CHRM3: variants seen among roughly 807,000 people sequenced by gnomAD.
CHRM3 encodes the protein muscarinic acetylcholine receptor M3.
Under a neutral mutation model 41.8 loss-of-function variants are expected in CHRM3, and 11 were observed. The ratio of observed to expected loss-of-function variants is 0.26; its 90% CI spans 0.17 to 0.44. The LOEUF (loss-of-function observed/expected upper bound fraction) is 0.44, where lower values mean the gene tolerates loss of function less well. Ranked by LOEUF, CHRM3 falls within the 20% of genes least tolerant of loss-of-function variation. CHRM3 has a pLI of 1.00. For missense variants in CHRM3, 571 were observed against 745.4 expected, an observed-to-expected ratio of 0.77 and a Z score of 2.72; for synonymous variants, 297 against 301.4, an observed-to-expected ratio of 0.99 and a Z score of 0.15.
intron 3 of CHRM3, among the ~76,000 whole-genome samples, chr1:239,590,237 T>A (rs944488197): frequency 6.6e-6 from 1 of 152,168 alleles, no homozygotes; most frequent in Non-Finnish European, 1.5e-5. Context: ...ATGAAATGAT[T>A]GAATTTCTTT....
rs565508941 is a variant in CHRM3 at position 239,659,851 on chromosome 1, A to G, written c.-249-18335A>G. 2.6e-5 allele frequency among the ~76,000 whole-genome samples: 4 copies of G among 152,338 alleles called. No homozygotes were observed. In the East Asian group the frequency reaches 5.8e-4, roughly 22 times the overall value. On this transcript the variant is annotated intron_variant, in intron 4 of 6. Transcript: ENST00000676153. Reference sequence around the variant, plus strand: ...GGACTTTATTCTCTTTATTTCAGTAATGGAGTTTGTCCTCTCATACTCATT... The same window carrying G: ...GGACTTTATTCTCTTTATTTCAGTAGTGGAGTTTGTCCTCTCATACTCATT...
At chr1:239,597,057 A>C (rs1298850825) in intron 3 of CHRM3, among the ~76,000 whole-genome samples, 3 of 152,186 alleles carry the variant, frequency 2.0e-5, no homozygotes, top group South Asian at 4.1e-4. Context: ...AAAAACTAAA[A>C]TAAAATAAAC....
intron 3 of CHRM3, among the ~76,000 whole-genome samples, chr1:239,579,268 CATT>C (rs942138820): frequency 6.6e-6 from 1 of 152,170 alleles, no homozygotes; most frequent in African/African-American, 2.4e-5. Context: ...ATGCTGATTT[CATT>C]AAACACACAC....
intron 3 of CHRM3, among the ~76,000 whole-genome samples, chr1:239,552,166 GAT>G (rs1659893514): frequency 6.8e-6 from 1 of 147,448 alleles, no homozygotes; most frequent in Non-Finnish European, 1.5e-5. Context: ...ATTATATTAT[GAT>G]ATATGTCATC....
intron 2 of CHRM3, among the ~76,000 whole-genome samples, chr1:239,500,695 A>C (rs1668179436): frequency 6.7e-6 from 1 of 148,694 alleles, no homozygotes; most frequent in Non-Finnish European, 1.5e-5. Context: ...TACATGTTAA[A>C]AAGAAAAAAA....
rs1680319336 is a variant in CHRM3, at chr1:239,910,745, AGG to A, written c.*1524_*1525del. 1.0e-5 allele frequency: 1 copy of A among 95,424 alleles called. No individual in the cohort carries two copies. The highest frequency in any genetic ancestry group is 2.4e-5 in the Non-Finnish European group (1 of 41,030). 5.9% of individuals were successfully genotyped at this position (95,424 alleles called of 1,614,324 possible). ...TTGCCGGGGCTGTTTGGGGAGAGGG[AGG>A]GGAGGGAGGTGGGAGGGCCGCGGAG... On this transcript the variant is annotated 3_prime_UTR_variant, in exon 7 of 7. Transcript: ENST00000676153.
chr1:239,690,845 T>C (rs1488693646), intron 5 of CHRM3, among the ~76,000 whole-genome samples: 2 of 151,962 alleles, frequency 1.3e-5, no homozygotes, highest in African/African-American at 4.8e-5. Flanking sequence ...CTGATTCATC[T>C]GCTTGTAACA....
At chr1:239,450,192 T>TA (rs1406035729) in intron 1 of CHRM3, among the ~76,000 whole-genome samples, 1 of 152,222 alleles carries the variant, frequency 6.6e-6, no homozygotes, top group East Asian at 1.9e-4. Flanking sequence ...ATCTTTTGTT[T>TA]AAAAAATATT....
chr1:239,391,506 C>G lies in CHRM3; in HGVS notation c.-521+4279C>G, dbSNP rs1659032934. Among the ~76,000 whole-genome samples, 4 of 152,168 alleles carry G rather than the reference C, an allele frequency of 2.6e-5. 1 individual carries two copies. The South Asian group carries it at 8.3e-4, about 32-fold the overall frequency. On this transcript the variant is annotated intron_variant, in intron 1 of 6. Transcript: ENST00000676153. ...CAGATTCCCCAGCCTCTGGCAGGCT[C>G]TCTCTTTTAGGCTGGCGATCTGCAT...
chr1:239,668,388 C>G (rs1049366815), intron 4 of CHRM3, among the ~76,000 whole-genome samples: 1 of 151,934 alleles, frequency 6.6e-6, no homozygotes, highest in Non-Finnish European at 1.5e-5. Context: ...CGTGTCTGGC[C>G]CAAATACACT....
At chr1:239,583,938 A>G (rs1156924734) in intron 3 of CHRM3, among the ~76,000 whole-genome samples, 1 of 152,086 alleles carries the variant, frequency 6.6e-6, no homozygotes, top group Non-Finnish European at 1.5e-5. Context: ...CTTAAACCTC[A>G]TGATTCCATT....
At chr1:239,864,296 C>T (rs1226247150) in intron 6 of CHRM3, among the ~76,000 whole-genome samples, 3 of 151,998 alleles carry the variant, frequency 2.0e-5, no homozygotes, top group African/African-American at 7.3e-5. Context: ...CACCCGAGGT[C>T]GAGAGTTTGA....
At chr1:239,457,838 G>A (rs1665066334) in intron 1 of CHRM3, among the ~76,000 whole-genome samples, 1 of 152,334 alleles carries the variant, frequency 6.6e-6, no homozygotes, top group Middle Eastern at 3.4e-3. Flanking sequence ...TTAAGAAGGA[G>A]ATTATAAACT....
chr1:239,721,159 A>G (rs565252953), intron 5 of CHRM3, among the ~76,000 whole-genome samples: 1 of 152,034 alleles, frequency 6.6e-6, no homozygotes, highest in East Asian at 1.9e-4. Context: ...CAAAAAATCC[A>G]ATGGGTTTTA....
chr1:239,898,464 T>A (rs1454693435), intron 6 of CHRM3: 1 of 152,164 alleles, frequency 6.6e-6, no homozygotes, highest in African/African-American at 2.4e-5. Context: ...AAACAAGCCC[T>A]GAAAAATGAC....
intron 3 of CHRM3, among the ~76,000 whole-genome samples, chr1:239,560,319 T>A (rs542746697): frequency 1.3e-5 from 2 of 152,318 alleles, no homozygotes; most frequent in African/African-American, 4.8e-5. Context: ...TAATGATATT[T>A]CTTTTTATGG....
In CHRM3 at chr1:239,868,860, T is replaced by C. The variant is rs566939145; in HGVS notation, c.-19-38573T>C. ...TCATTAACTGACCATGTAACTTTCATGTCTTTGAGCCCCGGTTTCAAGATT... is the reference window on the plus strand; with the variant it reads ...TCATTAACTGACCATGTAACTTTCACGTCTTTGAGCCCCGGTTTCAAGATT... On this transcript the variant is annotated intron_variant, in intron 6 of 6. Coordinates refer to ENST00000676153, the MANE Select transcript of CHRM3 (RefSeq NM_001375978.1). Among the ~76,000 whole-genome samples, 8 of 152,334 alleles carry C rather than the reference T, an allele frequency of 5.3e-5. No homozygotes were observed. In the South Asian group the frequency reaches 1.7e-3, roughly 32 times the overall value.
chr1:239,734,643 T>C (rs1181923602), intron 5 of CHRM3, among the ~76,000 whole-genome samples: 1 of 152,176 alleles, frequency 6.6e-6, no homozygotes, highest in African/African-American at 2.4e-5. Flanking sequence ...TAACATTTAT[T>C]ATATAATCAG....
chr1:239,483,461 G>T (rs1666992318), intron 1 of CHRM3, among the ~76,000 whole-genome samples: 1 of 152,188 alleles, frequency 6.6e-6, no homozygotes, highest in Non-Finnish European at 1.5e-5. Context: ...TTGAGCTCAA[G>T]GAGCCTAAGA....
Sources: gnomAD v4.1 joint callset for allele counts (sites outside exome capture counted in the v4.1 genomes callset) on GRCh38, gnomAD v4.1.1 for gene constraint, MANE v1.5 for transcripts, NCBI Gene and HGNC (gene_info 2026-07-23, HGNC 2026-07-21) for gene names.